Variants in AKAP10 observed in about 807,000 individuals in gnomAD.
The protein encoded by AKAP10 is A-kinase anchoring protein 10, also known as A-kinase anchor protein 10, mitochondrial.
AKAP10 carries 24 observed loss-of-function variants against 80.8 expected under a neutral mutation model. The ratio of observed to expected loss-of-function variants is 0.30; its 90% CI spans 0.22 to 0.42. The LOEUF is 0.42. Among genes scored for constraint, AKAP10 ranks in the 10% least tolerant of loss-of-function variants. The pLI, the probability that AKAP10 is intolerant of heterozygous loss-of-function variation, is 1.00. For missense variants in AKAP10, 661 were observed against 794.9 expected, an observed-to-expected ratio of 0.83 and a Z score of 2.03; for synonymous variants, 291 against 277.7, an observed-to-expected ratio of 1.05 and a Z score of -0.48.
chr17:19,970,937 T>C (rs911322808), intron 1 of AKAP10, among the ~76,000 whole-genome samples: 12 of 152,114 alleles, frequency 7.9e-5, no homozygotes, highest in Non-Finnish European at 1.2e-4. Context: ...GGTCTTGCTT[T>C]GTTGTCCAGG....
At chr17:19,953,225 A>G (rs1020366866) in intron 4 of AKAP10, among the ~76,000 whole-genome samples, 2 of 152,104 alleles carry the variant, frequency 1.3e-5, no homozygotes, top group African/African-American at 4.8e-5. Context: ...TCAGTTCAAA[A>G]TACCAGAATT....
At chr17:19,918,188 C>T (rs2042769532) in intron 12 of AKAP10, among the ~76,000 whole-genome samples, 1 of 149,972 alleles carries the variant, frequency 6.7e-6, no homozygotes, top group Admixed American at 6.7e-5. Flanking sequence ...CCATTGCACT[C>T]CAGCTCTGGG....
intron 5 of AKAP10, among the ~76,000 whole-genome samples, chr17:19,946,909 G>A (rs2043139520): frequency 6.6e-6 from 1 of 152,310 alleles, no homozygotes; most frequent in Non-Finnish European, 1.5e-5. Flanking sequence ...TGAGAAGTGG[G>A]ATGAAGCCCT....
chr17:19,915,833 C>G (rs2042737247), intron 12 of AKAP10, among the ~76,000 whole-genome samples: 2 of 152,182 alleles, frequency 1.3e-5, no homozygotes, highest in Non-Finnish European at 2.9e-5. Context: ...TGAAGCCCTA[C>G]ACTAAATTTT....
intron 1 of AKAP10, among the ~76,000 whole-genome samples, chr17:19,973,450 G>A (rs7221750): frequency 0.012 from 1,871 of 152,014 alleles, 36 homozygotes; most frequent in African/African-American, 0.043. Flanking sequence ...ATGAGAGGAG[G>A]CAGGAAATTA....
In AKAP10 at chr17:19,946,265, A is replaced by G. The variant is rs1238456606; in HGVS notation, c.976+1142T>C. Among the ~76,000 whole-genome samples, 141 of 27,436 alleles carry G rather than the reference A, an allele frequency of 5.1e-3. 9 individuals carry two copies. The highest frequency in any genetic ancestry group is 0.021 in the African/African-American group (129 of 6,158). The allele number at this position is 27,436 out of a possible 152,430, so 18.0% of individuals were successfully genotyped here. ...TATATATATATATATATATATATAT[A>G]TATATATATATTTTTTTTTTTTTTT... On this transcript the variant is annotated intron_variant, in intron 5 of 14. Coordinates refer to ENST00000225737, the MANE Select transcript of AKAP10 (RefSeq NM_007202.4).
chr17:19,930,522 C>A (rs555279430), intron 10 of AKAP10, among the ~76,000 whole-genome samples: 2 of 152,164 alleles, frequency 1.3e-5, no homozygotes, highest in Non-Finnish European at 2.9e-5. Context: ...GTGGTTCACG[C>A]CTGTAATCCC....
chr17:19,943,781 G>A (rs2043074692), intron 5 of AKAP10, among the ~76,000 whole-genome samples: 1 of 152,226 alleles, frequency 6.6e-6, no homozygotes, highest in Non-Finnish European at 1.5e-5. Flanking sequence ...CTGAAGTGGA[G>A]GCAGTCTTGT....
At chr17:19,940,251 A>G (rs1307497214) in intron 7 of AKAP10, among the ~76,000 whole-genome samples, 2 of 152,172 alleles carry the variant, frequency 1.3e-5, no homozygotes, top group African/African-American at 4.8e-5. Context: ...TTAAACTTAT[A>G]GCAAAGAAAG....
At chr17:19,936,550 A>T (rs2042994738) in intron 8 of AKAP10, 120 bp from the exon 9 acceptor site, 2 of 972,720 alleles carry the variant, frequency 2.1e-6, no homozygotes, top group African/African-American at 1.6e-5. Context: ...GCCTAGAACT[A>T]TAGAGCTATG....
intron 12 of AKAP10, among the ~76,000 whole-genome samples, chr17:19,913,852 T>C (rs2042717209): frequency 6.6e-6 from 1 of 152,192 alleles, no homozygotes; most frequent in Non-Finnish European, 1.5e-5. Flanking sequence ...AATGAAATTC[T>C]TAAGTATTAA....
intron 8 of AKAP10, among the ~76,000 whole-genome samples, chr17:19,937,627 G>A (rs891916382): frequency 2.6e-5 from 4 of 152,186 alleles, no homozygotes; most frequent in African/African-American, 9.6e-5. Flanking sequence ...TGAATGTTCA[G>A]GCATTTTAGA....
chr17:19,956,836 C>G (rs1015364706), intron 4 of AKAP10, among the ~76,000 whole-genome samples: 2 of 151,908 alleles, frequency 1.3e-5, no homozygotes, highest in African/African-American at 4.8e-5. Context: ...GAAACCCCGT[C>G]TCTACTAAAA....
chr17:19,928,498 G>A (rs1316625266), intron 10 of AKAP10, among the ~76,000 whole-genome samples: 1 of 152,078 alleles, frequency 6.6e-6, no homozygotes, highest in Non-Finnish European at 1.5e-5. Flanking sequence ...CAGCCTTTTC[G>A]GAAAACAATC....
rs752916194 is a variant in AKAP10 at position 19,924,401 on chromosome 17, A to G, written c.1751+7T>C. On this transcript the variant is annotated splice_region_variant and intron_variant, in intron 11 of 14. Coordinates refer to ENST00000225737, the MANE Select transcript of AKAP10 (RefSeq NM_007202.4). ...TTGTAAAAATTCTAGGCATGAGCTA[A>G]GCTTACCCGGCATATGTCCGTTGAT... 3.2e-6 allele frequency: 5 copies of G among 1,562,800 alleles called. No individual in the cohort carries two copies. Among genetic ancestry groups the G allele is most frequent in the Non-Finnish European group, 4.3e-6 (5 of 1,153,348 alleles).
intron 1 of AKAP10, among the ~76,000 whole-genome samples, chr17:19,975,091 A>G (rs1402855388): frequency 6.6e-6 from 1 of 152,032 alleles, no homozygotes; most frequent in East Asian, 1.9e-4. Flanking sequence ...TAGTGACTCA[A>G]ATATGGCTCA....
At chr17:19,923,187 C>G (rs1244812720) in intron 11 of AKAP10, among the ~76,000 whole-genome samples, 1 of 151,960 alleles carries the variant, frequency 6.6e-6, no homozygotes, top group Non-Finnish European at 1.5e-5. Flanking sequence ...AAGCAATTCT[C>G]CTGCCTCAGC....
intron 4 of AKAP10, among the ~76,000 whole-genome samples, chr17:19,949,353 C>A (rs186925953): frequency 2.6e-5 from 4 of 151,330 alleles, no homozygotes; most frequent in African/African-American, 9.7e-5. Context: ...CGAAGCTGAA[C>A]AACAGGAAAA....
intron 14 of AKAP10, among the ~76,000 whole-genome samples, chr17:19,907,410 C>CTTTTTTTTTTTTTTTTTTTTTTTTTTTT (rs59027197): frequency 7.3e-6 from 1 of 136,412 alleles, no homozygotes. Context: ...TTTTCTTTAA[C>CTTTTTTTTTTTTTTTTTTTTTTTTTTTT]TTTTTTTTTT....
Sources: allele counts gnomAD v4.1 joint callset (sites outside exome capture counted in the v4.1 genomes callset), GRCh38; gene constraint gnomAD v4.1.1; transcripts MANE v1.5; gene names NCBI Gene and HGNC (gene_info 2026-07-23, HGNC 2026-07-21).